ERBB4: variants seen among roughly 807,000 people sequenced by gnomAD.
The protein encoded by ERBB4 is erb-b2 receptor tyrosine kinase 4.
In ERBB4, 42 loss-of-function variants were observed where a neutral mutation model predicts 158.0. That is an observed-to-expected ratio of 0.27 (90% CI 0.21 to 0.34). The LOEUF (loss-of-function observed/expected upper bound fraction) is 0.34, where lower values mean the gene tolerates loss of function less well. ERBB4 is among the 10% of genes least tolerant of loss of function. ERBB4 has a pLI of 1.00. For missense variants in ERBB4, 1,333 were observed against 1,624.1 expected (o/e 0.82, Z 3.08); for synonymous variants, 583 against 558.7 (o/e 1.04, Z -0.61).
At chr2:212,165,400 C>A (rs2081317743) in intron 1 of ERBB4, among the ~76,000 whole-genome samples, 1 of 151,750 alleles carries the variant, frequency 6.6e-6, no homozygotes, top group Non-Finnish European at 1.5e-5. Context: ...ATAATCCCAG[C>A]CCTGAGGGTA....
At chr2:211,530,654 G>A (rs962600012) in intron 20 of ERBB4, among the ~76,000 whole-genome samples, 1 of 152,110 alleles carries the variant, frequency 6.6e-6, no homozygotes, top group African/African-American at 2.4e-5. Flanking sequence ...CTTGGGGGCT[G>A]AGGTGGGAGG....
intron 2 of ERBB4, among the ~76,000 whole-genome samples, chr2:211,952,149 AT>A (rs768542662): frequency 3.0e-4 from 45 of 152,102 alleles, no homozygotes; most frequent in Admixed American, 1.9e-3. Flanking sequence ...GAAACACATC[AT>A]GCCTTATTTT....
intron 18 of ERBB4, among the ~76,000 whole-genome samples, chr2:211,620,997 C>T (rs530648822): frequency 6.6e-6 from 1 of 151,950 alleles, no homozygotes; most frequent in Admixed American, 6.6e-5. Context: ...TGCCTGTGGT[C>T]CCAGCTACTC....
chr2:211,474,875 A>C (rs1037847563), intron 20 of ERBB4, among the ~76,000 whole-genome samples: 1 of 151,960 alleles, frequency 6.6e-6, no homozygotes, highest in African/African-American at 2.4e-5. Flanking sequence ...GGAGCCAGAG[A>C]AGTAGGTGGA....
rs1490090343 is a variant in ERBB4, at chr2:212,538,516, T to A, written c.15A>T (p.Thr5=). The A allele has an allele frequency of 1.2e-6, 2 of 1,613,966 alleles. No individual in the cohort carries two copies. The highest frequency in any genetic ancestry group is 2.7e-5 in the African/African-American group (2 of 74,944). MKPA[T]GLWVWVSLLV... is the part of the protein sequence containing the mutation. ...GAAGGCTCACCCAGACCCAAAGTCC[T>A]GTCGCCGGCTTCATTTTTTGGAAGT... Residue 5 remains threonine (T), a synonymous_variant, in exon 1 of 28, where the codon ACA becomes ACT. Coordinates refer to ENST00000342788, the MANE Select transcript of ERBB4 (RefSeq NM_005235.3).
intron 2 of ERBB4, among the ~76,000 whole-genome samples, chr2:212,119,153 T>C (rs1020546391): frequency 4.6e-5 from 7 of 152,102 alleles, no homozygotes; most frequent in African/African-American, 1.4e-4. Context: ...ATAATCTTAA[T>C]GTATACTATT....
chr2:212,376,043 T>C (rs13034566), intron 1 of ERBB4, among the ~76,000 whole-genome samples: 49,456 of 144,530 alleles, frequency 0.34, 8,546 homozygotes, highest in African/African-American at 0.4. Flanking sequence ...CCCTAATTGA[T>C]GAAGACCAAT....
At chr2:212,292,159 C>G (rs2086230911) in intron 1 of ERBB4, among the ~76,000 whole-genome samples, 1 of 151,974 alleles carries the variant, frequency 6.6e-6, no homozygotes, top group Non-Finnish European at 1.5e-5. Context: ...AACACCTCTT[C>G]TGACTTCTAC....
At chr2:212,122,054 T>G (rs2079767143) in intron 2 of ERBB4, among the ~76,000 whole-genome samples, 1 of 150,558 alleles carries the variant, frequency 6.6e-6, no homozygotes, top group Non-Finnish European at 1.5e-5. Context: ...TTTATATATA[T>G]ATATATGTAT....
intron 1 of ERBB4, among the ~76,000 whole-genome samples, chr2:212,474,860 C>CTAT (rs888783107): frequency 3.0e-5 from 3 of 98,894 alleles, no homozygotes; most frequent in African/African-American, 1.5e-4. Flanking sequence ...AGGTCTTGCT[C>CTAT]TATTGTCCTT....
intron 9 of ERBB4, among the ~76,000 whole-genome samples, chr2:211,711,827 A>T (rs1039483170): frequency 2.0e-5 from 3 of 152,132 alleles, no homozygotes; most frequent in Non-Finnish European, 2.9e-5. Flanking sequence ...TTAAATACAA[A>T]TTTATATTTT....
At chr2:211,948,216 C>A (rs1340027599) in intron 2 of ERBB4, among the ~76,000 whole-genome samples, 6 of 152,030 alleles carry the variant, frequency 3.9e-5, no homozygotes, top group Admixed American at 6.6e-5. Flanking sequence ...GCGAGTGGAT[C>A]ATGAGGTCAA....
chr2:211,400,780 T>TAAC lies in ERBB4; in HGVS notation c.3136-12791_3136-12789dup, dbSNP rs202140839. On this transcript the variant is annotated intron_variant, in intron 25 of 27. Transcript: ENST00000342788. Reference sequence around the variant, plus strand: ...ATATTTTAAAATAAATAAAAACATATAACTGGATTGCTTGTAACACAAAGG... The same window carrying TAAC: ...ATATTTTAAAATAAATAAAAACATATAACAACTGGATTGCTTGTAACACAAAGG... Among the ~76,000 whole-genome samples the TAAC allele has an allele frequency of 7.3e-3, 1,100 of 151,202 alleles. 12 individuals are homozygous for TAAC. Among genetic ancestry groups the TAAC allele is most frequent in the African/African-American group, 0.026 (1,051 of 41,086 alleles).
intron 1 of ERBB4, among the ~76,000 whole-genome samples, chr2:212,370,729 C>T (rs1417887921): frequency 1.3e-5 from 2 of 152,070 alleles, no homozygotes; most frequent in Admixed American, 1.3e-4. Flanking sequence ...AAGCCATTTA[C>T]CTTCTGTTTT....
chr2:211,570,013 GC>G (rs1330071449), intron 19 of ERBB4, among the ~76,000 whole-genome samples: 4 of 151,990 alleles, frequency 2.6e-5, no homozygotes, highest in African/African-American at 7.3e-5. Context: ...GAAGGTAAAT[GC>G]CCCCATCACC....
chr2:212,284,959 C>T (rs569271732), intron 1 of ERBB4, among the ~76,000 whole-genome samples: 41 of 152,120 alleles, frequency 2.7e-4, no homozygotes, highest in African/African-American at 7.7e-4. Context: ...ACAGGCAGCC[C>T]TTCAAATGGC....
intron 4 of ERBB4, among the ~76,000 whole-genome samples, chr2:211,753,530 T>C (rs1317068668): frequency 2.6e-5 from 4 of 151,820 alleles, no homozygotes; most frequent in African/African-American, 9.7e-5. Context: ...AGTCAGTAAA[T>C]CTAAATTTTT....
intron 1 of ERBB4, among the ~76,000 whole-genome samples, chr2:212,215,339 G>GA (rs1346548090): frequency 1.3e-5 from 2 of 151,416 alleles, no homozygotes; most frequent in African/African-American, 4.8e-5. Flanking sequence ...TATGTACATT[G>GA]AAAAATTTAG....
intron 20 of ERBB4, among the ~76,000 whole-genome samples, chr2:211,444,661 T>A (rs1415552834): frequency 6.6e-6 from 1 of 152,108 alleles, no homozygotes; most frequent in African/African-American, 2.4e-5. Context: ...ATACACTGTG[T>A]ATACAACTCA....
Sources: allele counts gnomAD v4.1 joint callset (sites outside exome capture counted in the v4.1 genomes callset), GRCh38; gene constraint gnomAD v4.1.1; transcripts MANE v1.5; gene names NCBI Gene and HGNC (gene_info 2026-07-23, HGNC 2026-07-21).